Variants in ZNF251 observed in about 807,000 individuals in gnomAD.
ZNF251 encodes the protein zinc finger protein 251.
A neutral mutation model predicts 13.5 loss-of-function variants in ZNF251; 14 were observed. The ratio of observed to expected loss-of-function variants is 1.04; its 90% CI spans 0.69 to 1.63. The LOEUF (loss-of-function observed/expected upper bound fraction) is 1.63. Among genes scored for constraint, ZNF251 ranks in the 40% most tolerant of loss-of-function variants. The probability of loss-of-function intolerance (pLI) is 0.00; values close to 1 mark genes in which losing one functional copy is unlikely to be tolerated. For synonymous variants in ZNF251, 287 were observed against 295.2 expected (o/e 0.97, Z 0.28); for missense variants, 764 against 834.9 (o/e 0.92, Z 1.05).
chr8:144,729,089 G>GAA (rs770516433), intron 4 of ZNF251, among the ~76,000 whole-genome samples: 1,356 of 91,408 alleles, frequency 0.015, 40 homozygotes, highest in South Asian at 0.059. Flanking sequence ...TCCATCTATG[G>GAA]AAAAAAAAAA....
chr8:144,735,555 T>C (rs1234350025), intron 4 of ZNF251, among the ~76,000 whole-genome samples: 1 of 152,042 alleles, frequency 6.6e-6, no homozygotes. Context: ...TGTCCCTCAA[T>C]GTGGCCAATC....
intron 1 of ZNF251, chr8:144,755,036 C>T: frequency 7.4e-7 from 1 of 1,359,908 alleles, no homozygotes; most frequent in Non-Finnish European, 9.4e-7. Context: ...TGGCAGTTCC[C>T]GTGGTCCAGA....
chr8:144,723,269 C>T lies in ZNF251; in HGVS notation c.391G>A (p.Ala131Thr), dbSNP rs570734146. 1.6e-5 allele frequency: 26 copies of T among 1,612,302 alleles called. 1 individual carries two copies. The highest frequency in any genetic ancestry group is 1.6e-4 in the African/African-American group (12 of 74,774). Reference sequence around the variant, plus strand: ...CGGCCCCATGCTTCCCGAAACTCAGCGGCCTGTGCATTATCCCTTAAGAGT... The same window carrying T: ...CGGCCCCATGCTTCCCGAAACTCAGTGGCCTGTGCATTATCCCTTAAGAGT... ...RRLLRDNAQA[A>T]EFREAWGREG... Residue 131 changes from alanine (A) to threonine (T), a missense_variant, in exon 5 of 5, where the codon GCT becomes ACT. Physicochemically the swap from Ala to Thr is moderately conservative, Grantham distance 58. Coordinates refer to ENST00000292562, the MANE Select transcript of ZNF251 (RefSeq NM_138367.2).
At chr8:144,730,827 T>C (rs1823671729) in intron 4 of ZNF251, among the ~76,000 whole-genome samples, 1 of 152,192 alleles carries the variant, frequency 6.6e-6, no homozygotes, top group Non-Finnish European at 1.5e-5. Flanking sequence ...GCACCTGTGC[T>C]CACCACTGCC....
In ZNF251 at chr8:144,728,577, A is replaced by G. The variant is rs1005928069; in HGVS notation, c.278-5195T>C. Among the ~76,000 whole-genome samples, 5 of 147,750 alleles carry G rather than the reference A, an allele frequency of 3.4e-5. No individual in the cohort carries two copies. The South Asian group carries it at 8.6e-4, about 26-fold the overall frequency. On this transcript the variant is annotated intron_variant, in intron 4 of 4. Transcript: ENST00000292562. ...ACCCGGGAGGCTGAGGCAGGAGAAT[A>G]GCATGAACCCGGGAGGCGGAGCTTG...
At chr8:144,733,972 CAG>C (rs965620044) in intron 4 of ZNF251, among the ~76,000 whole-genome samples, 52 of 152,376 alleles carry the variant, frequency 3.4e-4, no homozygotes, top group African/African-American at 9.1e-4. Flanking sequence ...TCTGGGAAGA[CAG>C]AGATGCCGCT....
chr8:144,731,286 G>A (rs551704753), intron 4 of ZNF251, among the ~76,000 whole-genome samples: 1 of 152,278 alleles, frequency 6.6e-6, no homozygotes, highest in African/African-American at 2.4e-5. Flanking sequence ...ATAGTTTCAC[G>A]AAACTATGCA....
chr8:144,750,975 G>A (rs772208657), intron 4 of ZNF251, among the ~76,000 whole-genome samples: 6 of 150,490 alleles, frequency 4.0e-5, no homozygotes, highest in Admixed American at 2.7e-4. Context: ...TCAGCCTCCC[G>A]AGTAGCTGGG....
At position 144,722,567 on chromosome 8, in the gene ZNF251, T is replaced by A. The variant is rs1823403585; in HGVS notation, c.1093A>T (p.Ile365Phe). 2 of 1,613,944 alleles carry A rather than the reference T, an allele frequency of 1.2e-6. No individual in the cohort carries two copies. ...CCAGTGTGAATTCTCTCATGCTGAA[T>A]AAGGCTGGAGCTTCGACTGAAGGCC... ...GKAFSRSSSL[I>F]QHERIHTGEK... The change falls in exon 5 of 5, where the codon ATT becomes TTT. Residue 365 changes from isoleucine (I) to phenylalanine (F), a missense_variant. Ile to Phe is a conservative substitution (Grantham distance 21). Transcript: ENST00000292562. This position sits in a 1 kb window ranked among gnomAD's most constrained non-coding sequence, Gnocchi z 4.8.
intron 4 of ZNF251, among the ~76,000 whole-genome samples, chr8:144,739,212 T>C (rs1171402000): frequency 1.7e-5 from 2 of 121,022 alleles, no homozygotes; most frequent in East Asian, 2.4e-4. Flanking sequence ...TCCCCCAAAC[T>C]AGGATCACAA....
In ZNF251 at chr8:144,723,371, C is replaced by G. The variant is rs764718746; in HGVS notation, c.289G>C (p.Gly97Arg). 3 of 1,484,986 alleles carry G rather than the reference C, an allele frequency of 2.0e-6. No individual in the cohort carries two copies. In the South Asian group the frequency reaches 4.3e-5, roughly 21 times the overall value. 92.0% of individuals were successfully genotyped at this position (1,484,986 alleles called of 1,614,324 possible). The change falls in exon 5 of 5, where the codon GGG becomes CGG. Residue 97 changes from glycine to arginine, a missense_variant. Gly to Arg is a moderately radical substitution (Grantham distance 125). Transcript: ENST00000292562. Reference sequence around the variant, plus strand: ...AAAATAGATAGTTCCTTCTTGGTCCCAACCTCAGAATCTGTTAAAGAAAAA... The same window carrying G: ...AAAATAGATAGTTCCTTCTTGGTCCGAACCTCAGAATCTGTTAAAGAAAAA... ...LKSCQKDSEV[G>R]TKKELSILNQ...
At chr8:144,740,189 G>A (rs1478800116) in intron 4 of ZNF251, among the ~76,000 whole-genome samples, 1 of 152,134 alleles carries the variant, frequency 6.6e-6, no homozygotes, top group Non-Finnish European at 1.5e-5. Context: ...GGAGGCTGAG[G>A]CAGGAGAATG....
At chr8:144,743,493 T>G (rs927659343) in intron 4 of ZNF251, among the ~76,000 whole-genome samples, 1 of 152,180 alleles carries the variant, frequency 6.6e-6, no homozygotes, top group Admixed American at 6.5e-5. Context: ...ATGAATAAGG[T>G]TTGGTAATTA....
chr8:144,735,615 C>T (rs944012983), intron 4 of ZNF251, among the ~76,000 whole-genome samples: 1 of 152,044 alleles, frequency 6.6e-6, no homozygotes, highest in Non-Finnish European at 1.5e-5. Context: ...GAAGCCTCAC[C>T]GGGTGGGAAG....
At chr8:144,727,943 G>A (rs1223798103) in intron 4 of ZNF251, among the ~76,000 whole-genome samples, 1 of 152,158 alleles carries the variant, frequency 6.6e-6, no homozygotes. Context: ...CTCCTGAGAA[G>A]CTGGGACTAC....
chr8:144,753,274 G>GAA (rs11336657), intron 4 of ZNF251, among the ~76,000 whole-genome samples: 546 of 41,834 alleles, frequency 0.013, 58 homozygotes, highest in African/African-American at 0.029. Flanking sequence ...ATTCTGTCTC[G>GAA]AAAAAAAAAA....
intron 4 of ZNF251, among the ~76,000 whole-genome samples, chr8:144,743,675 C>T (rs1824275750): frequency 6.6e-6 from 1 of 152,192 alleles, no homozygotes; most frequent in Admixed American, 6.5e-5. Context: ...TGCATCCCCA[C>T]CTGCAATGAA....
chr8:144,752,194 A>C (rs2130101892), intron 4 of ZNF251, among the ~76,000 whole-genome samples: 1 of 152,068 alleles, frequency 6.6e-6, no homozygotes, highest in East Asian at 1.9e-4. Flanking sequence ...AATACCATCA[A>C]CCACCTTGAC....
intron 4 of ZNF251, among the ~76,000 whole-genome samples, chr8:144,729,289 T>G (rs1379829549): frequency 1.3e-5 from 2 of 151,836 alleles, no homozygotes. Flanking sequence ...CCATGCGTAG[T>G]GCCCTTTTAG....
Sources: gnomAD v4.1 joint callset for allele counts (sites outside exome capture counted in the v4.1 genomes callset) on GRCh38, gnomAD v4.1.1 for gene constraint, Gnocchi (gnomAD v3.1) non-coding constraint, MANE v1.5 for transcripts, NCBI Gene and HGNC (gene_info 2026-07-23, HGNC 2026-07-21) for gene names.